Variants in TYR observed in about 807,000 individuals in gnomAD.
The protein encoded by TYR is tyrosinase, also known as LB24-AB.
A neutral mutation model predicts 51.5 loss-of-function variants in TYR; 58 were observed. The ratio of observed to expected loss-of-function variants is 1.13; its 90% CI spans 0.91 to 1.40. The LOEUF is 1.40. TYR is among the 40% of genes most tolerant of loss of function. The pLI is 0.00. For missense variants in TYR, 732 were observed against 647.4 expected (o/e 1.13, Z -1.42); for synonymous variants, 263 against 235.2 (o/e 1.12, Z -1.08).
intron 3 of TYR, among the ~76,000 whole-genome samples, 185 bp from the exon 4 acceptor site, chr11:89,284,588 G>A (rs1046483088): frequency 6.6e-6 from 1 of 151,816 alleles, no homozygotes; most frequent in African/African-American, 2.4e-5. Flanking sequence ...TTTTAAATGA[G>A]TGAACTTCAA....
intron 2 of TYR, among the ~76,000 whole-genome samples, chr11:89,207,066 T>C (rs1294535337): frequency 6.6e-6 from 1 of 151,568 alleles, no homozygotes; most frequent in Non-Finnish European, 1.5e-5. Flanking sequence ...CTCCAGAACC[T>C]AGAAATAGAA....
At chr11:89,195,250 C>A (rs374685120) in intron 2 of TYR, among the ~76,000 whole-genome samples, 2 of 152,156 alleles carry the variant, frequency 1.3e-5, no homozygotes, top group East Asian at 1.9e-4. Flanking sequence ...TCCCATGGAA[C>A]AAAATATTCA....
intron 3 of TYR, among the ~76,000 whole-genome samples, chr11:89,229,562 AAAAAAAG>A (rs1412604223): frequency 7.0e-6 from 1 of 143,544 alleles, no homozygotes; most frequent in African/African-American, 2.9e-5. Context: ...AATTAGGCAA[AAAAAAAG>A]AAAAAGAAAA....
chr11:89,217,478 C>T (rs1343276911), intron 2 of TYR, among the ~76,000 whole-genome samples: 1 of 152,176 alleles, frequency 6.6e-6, no homozygotes, highest in African/African-American at 2.4e-5. Context: ...GAGAATTGTA[C>T]ATGAGAAATA....
intron 4 of TYR, among the ~76,000 whole-genome samples, chr11:89,287,575 C>G (rs1944804872): frequency 6.6e-6 from 1 of 151,766 alleles, no homozygotes; most frequent in African/African-American, 2.4e-5. Flanking sequence ...AGAGATATGC[C>G]TAACTCCAGG....
At chr11:89,198,903 C>G (rs896696538) in intron 2 of TYR, among the ~76,000 whole-genome samples, 2 of 152,042 alleles carry the variant, frequency 1.3e-5, no homozygotes, top group African/African-American at 4.8e-5. Flanking sequence ...AATGCTATCC[C>G]TTCCCCTTAC....
At chr11:89,224,553 A>C (rs1943953519) in intron 2 of TYR, among the ~76,000 whole-genome samples, 1 of 152,110 alleles carries the variant, frequency 6.6e-6, no homozygotes, top group Admixed American at 6.6e-5. Context: ...GTTTTAAGAA[A>C]ATTTATTTTT....
At position 89,198,861 on chromosome 11, in the gene TYR, T is replaced by C. The variant is rs1943559656; in HGVS notation, c.1036+7443T>C. Among the ~76,000 whole-genome samples the C allele has an allele frequency of 2.0e-5, 3 of 152,076 alleles. No individual in the cohort carries two copies. The East Asian group carries it at 5.8e-4, about 29-fold the overall frequency. ...GCCATGTTGGTGTGTGCTGCACCCATTAACTCATCATTTACCTTAGGTATA... is the reference window on the plus strand; with the variant it reads ...GCCATGTTGGTGTGTGCTGCACCCACTAACTCATCATTTACCTTAGGTATA... On this transcript the variant is annotated intron_variant, in intron 2 of 4. Coordinates refer to ENST00000263321, the MANE Select transcript of TYR (RefSeq NM_000372.5).
At chr11:89,221,166 A>G (rs1377822220) in intron 2 of TYR, among the ~76,000 whole-genome samples, 1 of 152,200 alleles carries the variant, frequency 6.6e-6, no homozygotes, top group Non-Finnish European at 1.5e-5. Context: ...CTTTCTGTTC[A>G]GTGACTCACT....
At chr11:89,183,657 T>C (rs148388308) in intron 1 of TYR, among the ~76,000 whole-genome samples, 34 of 152,224 alleles carry the variant, frequency 2.2e-4, no homozygotes, top group African/African-American at 7.9e-4. Flanking sequence ...AAAGCATTAC[T>C]GTGAAGGGAT....
chr11:89,180,139 GA>G (rs1217771704), intron 1 of TYR, among the ~76,000 whole-genome samples: 6 of 152,136 alleles, frequency 3.9e-5, no homozygotes, highest in Non-Finnish European at 7.3e-5. Flanking sequence ...TTTTGTGCAG[GA>G]AAGGCTAGAA....
intron 2 of TYR, among the ~76,000 whole-genome samples, chr11:89,211,647 A>G (rs1307488777): frequency 6.6e-6 from 1 of 152,196 alleles, no homozygotes; most frequent in Non-Finnish European, 1.5e-5. Context: ...AACAGAATAT[A>G]CGTTCTTCTC....
At chr11:89,186,999 G>C (rs1943383033) in intron 1 of TYR, among the ~76,000 whole-genome samples, 1 of 152,144 alleles carries the variant, frequency 6.6e-6, no homozygotes, top group Non-Finnish European at 1.5e-5. Context: ...CCAAACTCAT[G>C]AACTTTGAGA....
At chr11:89,190,719 C>G (rs542690368) in intron 1 of TYR, among the ~76,000 whole-genome samples, 1 of 152,182 alleles carries the variant, frequency 6.6e-6, no homozygotes, top group Admixed American at 6.6e-5. Flanking sequence ...TATTCCCTCA[C>G]TTACTTACCC....
At chr11:89,178,876 A>G in intron 1 of TYR, 104 bp downstream of exon 1, 2 of 1,173,244 alleles carry the variant, frequency 1.7e-6, no homozygotes, top group Middle Eastern at 2.1e-4. Context: ...TGCAGCCCCC[A>G]TCAAGGACAG....
intron 3 of TYR, among the ~76,000 whole-genome samples, chr11:89,237,684 G>T (rs1380951940): frequency 6.6e-6 from 1 of 151,984 alleles, no homozygotes; most frequent in East Asian, 1.9e-4. Context: ...ATCATTTGTG[G>T]TTGCATAAAT....
intron 2 of TYR, among the ~76,000 whole-genome samples, chr11:89,217,553 C>T (rs1017874754): frequency 1.3e-5 from 2 of 152,182 alleles, no homozygotes; most frequent in African/African-American, 4.8e-5. Flanking sequence ...ACTACTTATT[C>T]ACAGGGCCAC....
At chr11:89,215,816 C>T (rs764443405) in intron 2 of TYR, among the ~76,000 whole-genome samples, 99 of 152,100 alleles carry the variant, frequency 6.5e-4, no homozygotes, top group African/African-American at 2.0e-3. Context: ...ATACTAAAGA[C>T]GCAAGACCCT....
intron 3 of TYR, 96 bp from the exon 4 acceptor site, chr11:89,284,677 A>G: frequency 9.1e-7 from 1 of 1,099,474 alleles, no homozygotes; most frequent in Non-Finnish European, 1.4e-6. Flanking sequence ...CCATGTCTCC[A>G]GATTTTAATA....
Sources: allele counts gnomAD v4.1 joint callset (sites outside exome capture counted in the v4.1 genomes callset), GRCh38; gene constraint gnomAD v4.1.1; transcripts MANE v1.5; gene names NCBI Gene and HGNC (gene_info 2026-07-23, HGNC 2026-07-21).